Variants in LDLRAD4 observed in about 807,000 individuals in gnomAD.
LDLRAD4 encodes low density lipoprotein receptor class A domain containing 4.
LDLRAD4 carries 5 observed loss-of-function variants against 17.0 expected under a neutral mutation model. The observed-to-expected ratio is 0.29, with a 90% CI of 0.15 to 0.62. LDLRAD4 has a LOEUF of 0.62. Ranked by LOEUF, LDLRAD4 falls within the 20% of genes least tolerant of loss-of-function variation. The pLI is 0.84. For missense variants in LDLRAD4, 340 were observed against 424.7 expected, an observed-to-expected ratio of 0.80 and a Z score of 1.75; for synonymous variants, 168 against 171.8, an observed-to-expected ratio of 0.98 and a Z score of 0.17.
intron 1 of LDLRAD4, among the ~76,000 whole-genome samples, chr18:13,330,897 A>C (rs530444436): frequency 6.6e-6 from 1 of 152,310 alleles, no homozygotes; most frequent in East Asian, 1.9e-4. Context: ...TGAAGTTTCC[A>C]TAAAAACCCA....
chr18:13,620,387 C>G (rs535063837), intron 3 of LDLRAD4, among the ~76,000 whole-genome samples: 188 of 152,330 alleles, frequency 1.2e-3, no homozygotes, highest in Admixed American at 2.0e-3. Flanking sequence ...TTCCTTCCAG[C>G]ACGGGGGACA....
At chr18:13,586,146 C>T (rs2094929898) in intron 3 of LDLRAD4, among the ~76,000 whole-genome samples, 1 of 152,032 alleles carries the variant, frequency 6.6e-6, no homozygotes, top group Non-Finnish European at 1.5e-5. Context: ...TGGTGGCTCA[C>T]ACCTGTAACC....
chr18:13,221,885 C>A (rs551839797), intron 1 of LDLRAD4, among the ~76,000 whole-genome samples: 1 of 152,124 alleles, frequency 6.6e-6, no homozygotes, highest in Non-Finnish European at 1.5e-5. Context: ...TTGGCAGCTG[C>A]GAGCTTTCCC....
chr18:13,560,657 A>G (rs1265998442), intron 3 of LDLRAD4, among the ~76,000 whole-genome samples: 1 of 152,234 alleles, frequency 6.6e-6, no homozygotes, highest in East Asian at 1.9e-4. Context: ...AAGACCAGAA[A>G]TCAGAGAGTT....
intron 1 of LDLRAD4, among the ~76,000 whole-genome samples, chr18:13,351,911 C>G (rs1336669369): frequency 6.6e-6 from 1 of 152,162 alleles, no homozygotes; most frequent in African/African-American, 2.4e-5. Context: ...AAAGCTTATC[C>G]ACCATGATCA....
At chr18:13,470,303 A>G (rs1270451685) in intron 3 of LDLRAD4, among the ~76,000 whole-genome samples, 1 of 152,114 alleles carries the variant, frequency 6.6e-6, no homozygotes, top group Non-Finnish European at 1.5e-5. Context: ...TCTCACCTGC[A>G]AGTTTAATCT....
chr18:13,592,154 C>T (rs2095037778), intron 3 of LDLRAD4, among the ~76,000 whole-genome samples: 1 of 152,160 alleles, frequency 6.6e-6, no homozygotes, highest in Non-Finnish European at 1.5e-5. Flanking sequence ...GTGGTTTTAC[C>T]TTGTTGAATA....
chr18:13,613,704 AGCTGGACGG>A (rs1209730606), intron 3 of LDLRAD4: 1 of 152,222 alleles, frequency 6.6e-6, no homozygotes, highest in African/African-American at 2.4e-5. Context: ...ATGCCACTCC[AGCTGGACGG>A]GCTCGTGGAG....
chr18:13,539,185 T>C (rs887720983), intron 3 of LDLRAD4, among the ~76,000 whole-genome samples: 33 of 152,200 alleles, frequency 2.2e-4, no homozygotes, highest in African/African-American at 7.5e-4. Flanking sequence ...ATGCCTTCCC[T>C]GCAATGCTTT....
At chr18:13,612,564 T>A in intron 3 of LDLRAD4, 8 of 1,411,324 alleles carry the variant, frequency 5.7e-6, no homozygotes, top group African/African-American at 1.5e-5. Flanking sequence ...CCCTCCACGC[T>A]CACACACTCT....
At chr18:13,456,263 T>TGTTAG (rs1015370241) in intron 3 of LDLRAD4, among the ~76,000 whole-genome samples, 1 of 152,060 alleles carries the variant, frequency 6.6e-6, no homozygotes, top group Non-Finnish European at 1.5e-5. Context: ...GGAGCCTGAG[T>TGTTAG]GTTAGCATGG....
intron 3 of LDLRAD4, among the ~76,000 whole-genome samples, chr18:13,451,639 A>AT (rs2091842171): frequency 6.6e-6 from 1 of 152,208 alleles, no homozygotes; most frequent in Admixed American, 6.5e-5. Flanking sequence ...CAAAATGTGC[A>AT]TCTTACATGT....
At chr18:13,357,983 A>G (rs28433080) in intron 1 of LDLRAD4, among the ~76,000 whole-genome samples, 10,406 of 152,178 alleles carry the variant, frequency 0.068, 956 homozygotes, top group African/African-American at 0.21. Flanking sequence ...TGACCAGTGA[A>G]ACCCTTTTCT....
intron 1 of LDLRAD4, among the ~76,000 whole-genome samples, chr18:13,298,767 G>C (rs190017903): frequency 3.9e-5 from 6 of 152,354 alleles, no homozygotes; most frequent in African/African-American, 1.4e-4. Flanking sequence ...GTGCTGCGGG[G>C]CCACTGGCCT....
intron 3 of LDLRAD4, among the ~76,000 whole-genome samples, chr18:13,474,759 A>C (rs2092894824): frequency 6.6e-6 from 1 of 152,216 alleles, no homozygotes; most frequent in African/African-American, 2.4e-5. Context: ...CAACAACAAC[A>C]AACAACAAAA....
At chr18:13,429,046 T>C (rs529746999) in intron 2 of LDLRAD4, among the ~76,000 whole-genome samples, 1 of 151,832 alleles carries the variant, frequency 6.6e-6, no homozygotes, top group South Asian at 2.1e-4. Flanking sequence ...GAGCCAAGGG[T>C]GAGCTGGAGC....
At chr18:13,409,058 A>T (rs1177307747) in intron 2 of LDLRAD4, among the ~76,000 whole-genome samples, 1 of 152,180 alleles carries the variant, frequency 6.6e-6, no homozygotes, top group East Asian at 1.9e-4. Context: ...CCTTTGTGTC[A>T]CAGCCCACCC....
In LDLRAD4 at chr18:13,544,991, A is replaced by C. The variant is rs1363568319; in HGVS notation, c.182-76126A>C. Among the ~76,000 whole-genome samples, 12 of 151,614 alleles carry C rather than the reference A, an allele frequency of 7.9e-5. No individual in the cohort carries two copies. The East Asian group carries it at 2.1e-3, about 27-fold the overall frequency. On this transcript the variant is annotated intron_variant, in intron 3 of 5. Coordinates refer to ENST00000359446, the Ensembl canonical transcript of LDLRAD4. ...GAAAGTATTATTAGAGAAAACATAC[A>C]TTAAACTTTCTTAGAATGTAAACAT...
intron 3 of LDLRAD4, among the ~76,000 whole-genome samples, chr18:13,450,349 C>A (rs1600390422): frequency 1.6e-5 from 2 of 124,370 alleles, no homozygotes; most frequent in Non-Finnish European, 3.2e-5. Context: ...AAAAAACACA[C>A]AAGATCCCAA....
Sources: allele counts gnomAD v4.1 joint callset (sites outside exome capture counted in the v4.1 genomes callset), GRCh38; gene constraint gnomAD v4.1.1; transcripts MANE v1.5; gene names NCBI Gene and HGNC (gene_info 2026-07-23, HGNC 2026-07-21).